The following SACS variants were observed in gnomAD, a reference collection of about 807,000 sequenced individuals.
SACS encodes the protein sacsin.
In SACS, 197 loss-of-function variants were observed where a neutral mutation model predicts 348.0. The observed-to-expected ratio is 0.57, with a 90% CI of 0.50 to 0.64. SACS has a LOEUF of 0.64. Ranked by LOEUF, SACS falls within the 30% of genes least tolerant of loss-of-function variation. The pLI is 0.00. For missense variants in SACS, 4,999 were observed against 5,360.8 expected, an observed-to-expected ratio of 0.93 and a Z score of 2.11; for synonymous variants, 1,985 against 1,910.6, an observed-to-expected ratio of 1.04 and a Z score of -1.02.
chr13:23,371,117 G>A lies in SACS; in HGVS notation c.220C>T (p.Leu74Phe). The A allele has an allele frequency of 6.2e-7, 1 of 1,611,802 alleles. No individual in the cohort carries two copies. Among genetic ancestry groups the A allele is most frequent in the Non-Finnish European group, 8.5e-7 (1 of 1,178,260 alleles). The change falls in exon 4 of 10, where the codon CTT (leucine) becomes TTT (phenylalanine). Residue 74 changes from leucine to phenylalanine, a missense_variant. This residue lies in a region of SACS where 3,156 missense variants were observed against 3,380.1 expected (regional missense o/e 0.93). Coordinates refer to ENST00000382292, the MANE Select transcript of SACS (RefSeq NM_014363.6). The part of the protein sequence containing the change: ...IGDLTSKNCH[L>F]FVNLQSKGLK... ...CCTTTTGATTGAAGGTTTACAAAAA[G>A]ATGACAATTTTTGGAAGTCAGATCT...
Position 23,338,161 on chromosome 13 carries a change from T to G in SACS, c.5715A>C (p.Lys1905Asn). The G allele has an allele frequency of 6.2e-7, 1 of 1,614,158 alleles. No homozygotes were observed. Among genetic ancestry groups the G allele is most frequent in the South Asian group, 1.1e-5 (1 of 91,078 alleles). ...NRKEIWKTDT[K>N]GRWNTTFMRH... is the part of the protein sequence containing the mutation. ...TCATGAACGTGGTATTCCATCGTCCTTTTGTATCTGTTTTCCAGATTTCTT... is the reference window on the plus strand; with the variant it reads ...TCATGAACGTGGTATTCCATCGTCCGTTTGTATCTGTTTTCCAGATTTCTT... The change falls in exon 10 of 10, where the codon AAA becomes AAC. Residue 1905 changes from lysine to asparagine, a missense_variant. By Grantham distance (94) the Lys-to-Asn change is moderately conservative. Coordinates refer to ENST00000382292, the MANE Select transcript of SACS (RefSeq NM_014363.6).
intron 3 of SACS, among the ~76,000 whole-genome samples, chr13:23,374,605 A>G (rs1566091297): frequency 6.6e-6 from 1 of 152,200 alleles, no homozygotes; most frequent in Non-Finnish European, 1.5e-5. Flanking sequence ...AAATTTTCTG[A>G]CCTATCAAGT....
At chr13:23,401,810 A>G (rs1872989227) in intron 2 of SACS, among the ~76,000 whole-genome samples, 3 of 152,214 alleles carry the variant, frequency 2.0e-5, no homozygotes, top group African/African-American at 4.8e-5. Flanking sequence ...GATCCATGGA[A>G]AGAACTAAGC....
chr13:23,365,960 C>G (rs1871035532), intron 5 of SACS, among the ~76,000 whole-genome samples: 1 of 152,090 alleles, frequency 6.6e-6, no homozygotes, highest in African/African-American at 2.4e-5. Context: ...AGATTTGCCT[C>G]AACAAAATTT....
At position 23,335,551 on chromosome 13, in the gene SACS, C is replaced by T. The variant is rs746268718; in HGVS notation, c.8325G>A (p.Leu2775=). 1 of 1,613,696 alleles carries T rather than the reference C, an allele frequency of 6.2e-7. No individual in the cohort carries two copies. The highest frequency in any genetic ancestry group is 1.1e-5 in the South Asian group (1 of 91,076). Residue 2775 remains leucine (L), a synonymous_variant, in exon 10 of 10, where the codon TTG becomes TTA. Coordinates refer to ENST00000382292, the MANE Select transcript of SACS (RefSeq NM_014363.6). This position sits in a 1 kb window ranked among gnomAD's most constrained non-coding sequence, Gnocchi z 4.7. ...VKGKITDGDR[L]KRKQFHASVI... ...CAGATGCATGAAATTGTTTCCTTTT[C>T]AATCTGTCTCCATCTGTGATTTTGC...
At position 23,384,608 on chromosome 13, in the gene SACS, T is replaced by A. The variant is rs537591768; in HGVS notation, c.21-9339A>T. Reference sequence around the variant, plus strand: ...CCTTTCACAGCAAACTCCAAAACAATTTTTCAAAGCCTAAGGAAGAGATGC... The same window carrying A: ...CCTTTCACAGCAAACTCCAAAACAAATTTTCAAAGCCTAAGGAAGAGATGC... On this transcript the variant is annotated intron_variant, in intron 2 of 9. Coordinates refer to ENST00000382292, the MANE Select transcript of SACS (RefSeq NM_014363.6). 1.2e-4 allele frequency among the ~76,000 whole-genome samples: 19 copies of A among 152,320 alleles called. No homozygotes were observed. The East Asian group carries it at 3.7e-3, about 29-fold the overall frequency.
intron 2 of SACS, among the ~76,000 whole-genome samples, chr13:23,396,944 A>T (rs940209800): frequency 1.3e-5 from 2 of 152,204 alleles, no homozygotes; most frequent in South Asian, 4.1e-4. Context: ...GCCTAAGTTT[A>T]AGATTACATA....
chr13:23,407,491 G>GC (rs1365077604), intron 2 of SACS, among the ~76,000 whole-genome samples: 1 of 152,170 alleles, frequency 6.6e-6, no homozygotes, highest in Non-Finnish European at 1.5e-5. Context: ...GAGCCACCAC[G>GC]CCCGGCCTGT....
chr13:23,418,678 G>A (rs995073775), intron 1 of SACS, among the ~76,000 whole-genome samples: 9 of 152,120 alleles, frequency 5.9e-5, no homozygotes, highest in Non-Finnish European at 1.2e-4. Flanking sequence ...GCTAATTTTT[G>A]TATTTTTAGT....
intron 2 of SACS, among the ~76,000 whole-genome samples, chr13:23,391,429 A>G (rs975561110): frequency 2.6e-5 from 4 of 152,106 alleles, no homozygotes. Context: ...GTTGGCCCAT[A>G]AGGAGTCCCC....
At position 23,400,710 on chromosome 13, in the gene SACS, G is replaced by C. The variant is rs142305620; in HGVS notation, c.20+10510C>G. 7.7e-3 allele frequency among the ~76,000 whole-genome samples: 1,178 copies of C among 152,274 alleles called. 19 individuals carry two copies. The highest frequency in any genetic ancestry group is 0.026 in the African/African-American group (1,077 of 41,546). On this transcript the variant is annotated intron_variant, in intron 2 of 9. Coordinates refer to ENST00000382292, the MANE Select transcript of SACS (RefSeq NM_014363.6). ...GCTGTGATTACAGGCGTGAGCCACC[G>C]CGCCCGGCCAGTCACTTTGGTTAAA... is the stretch of plus-strand genomic sequence containing the variant.
At position 23,332,192 on chromosome 13, in the gene SACS, A is replaced by T. The variant is rs766487632; in HGVS notation, c.11684T>A (p.Val3895Glu). Residue 3895 changes from valine to glutamate, a missense_variant, in exon 10 of 10, where the codon GTG (valine) becomes GAG (glutamate). Coordinates refer to ENST00000382292, the MANE Select transcript of SACS (RefSeq NM_014363.6). Reference protein sequence around the residue: ...FRSLQNDSVKVRSDLENVRDL... With the variant: ...FRSLQNDSVKERSDLENVRDL... ...TCGTACATTCTCGAGATCACTCCTC[A>T]CCTTGACTGAATCATTCTGTAGACT... The T allele has an allele frequency of 1.2e-6, 2 of 1,614,016 alleles. No individual in the cohort carries two copies. The highest frequency in any genetic ancestry group is 4.5e-5 in the East Asian group (2 of 44,882).
At position 23,335,534 on chromosome 13, in the gene SACS, T is replaced by C. The variant is rs1357023430; in HGVS notation, c.8342A>G (p.His2781Arg). The change falls in exon 10 of 10, where the codon CAT becomes CGT. Residue 2781 changes from histidine to arginine, a missense_variant. Around this residue, in one of 6 missense-constraint regions of SACS, gnomAD observed 3,156 missense variants for 3,380.1 expected, o/e 0.93. Transcript: ENST00000382292. This position sits in a 1 kb window ranked among gnomAD's most constrained non-coding sequence, Gnocchi z 4.7. Reference protein sequence around the residue: ...DGDRLKRKQFHASVIDSVTKK... With the variant: ...DGDRLKRKQFRASVIDSVTKK... ...AGTAACACTATCAATTACAGATGCA[T>C]GAAATTGTTTCCTTTTCAATCTGTC... 2.5e-6 allele frequency: 4 copies of C among 1,613,666 alleles called. No individual in the cohort carries two copies. The African/African-American group carries it at 5.3e-5, about 22-fold the overall frequency.
intron 1 of SACS, among the ~76,000 whole-genome samples, chr13:23,423,403 G>A (rs1593184526): frequency 6.6e-6 from 1 of 152,024 alleles, no homozygotes; most frequent in African/African-American, 2.4e-5. Flanking sequence ...GCCTATGTAT[G>A]AATATACAAC....
chr13:23,426,485 C>T (rs1874181357), intron 1 of SACS, among the ~76,000 whole-genome samples: 1 of 152,036 alleles, frequency 6.6e-6, no homozygotes, highest in Non-Finnish European at 1.5e-5. Flanking sequence ...TACGAAAATA[C>T]AAAATTTAGC....
intron 9 of SACS, among the ~76,000 whole-genome samples, chr13:23,347,914 G>C (rs1869715770): frequency 6.6e-6 from 1 of 152,124 alleles, no homozygotes; most frequent in Non-Finnish European, 1.5e-5. Flanking sequence ...CATGTACCAG[G>C]CATCTTCATA....
chr13:23,426,782 A>G (rs1874200787), intron 1 of SACS, among the ~76,000 whole-genome samples: 1 of 152,206 alleles, frequency 6.6e-6, no homozygotes, highest in Admixed American at 6.5e-5. Flanking sequence ...AGCCTTTCCA[A>G]CGGAGGCAAA....
intron 2 of SACS, among the ~76,000 whole-genome samples, chr13:23,386,298 T>C (rs141930809): frequency 6.6e-6 from 1 of 152,402 alleles, no homozygotes; most frequent in Non-Finnish European, 1.5e-5. Context: ...TCATCAGTTA[T>C]GTTAGCTACA....
At chr13:23,366,383 C>T (rs1342630473) in intron 5 of SACS, among the ~76,000 whole-genome samples, 5 of 152,154 alleles carry the variant, frequency 3.3e-5, no homozygotes, top group Non-Finnish European at 5.9e-5. Context: ...ACAGCTAAGT[C>T]GTGCCTCCTG....
Sources: allele counts gnomAD v4.1 joint callset (sites outside exome capture counted in the v4.1 genomes callset), GRCh38; gene constraint gnomAD v4.1.1; regional missense constraint gnomAD v4.1.1; non-coding constraint Gnocchi (gnomAD v3.1); transcripts MANE v1.5; gene names NCBI Gene and HGNC (gene_info 2026-07-23, HGNC 2026-07-21).